Variants in KRT6B observed in about 807,000 individuals in gnomAD.
The protein encoded by KRT6B is keratin 6B.
A neutral mutation model predicts 44.7 loss-of-function variants in KRT6B; 29 were observed. The ratio of observed to expected loss-of-function variants is 0.65; its 90% CI spans 0.48 to 0.88. The LOEUF (loss-of-function observed/expected upper bound fraction) is 0.88, where lower values mean the gene tolerates loss of function less well. Ranked by LOEUF, KRT6B falls within the 40% of genes least tolerant of loss-of-function variation. The pLI is 0.00. For synonymous variants in KRT6B, 213 were observed against 296.0 expected (o/e 0.72, Z 2.88); for missense variants, 600 against 724.0 (o/e 0.83, Z 1.97).
At chr12:52,448,702 A>G in intron 6 of KRT6B, 140 bp downstream of exon 6, 1 of 1,404,602 alleles carries the variant, frequency 7.1e-7, no homozygotes, top group Non-Finnish European at 9.9e-7. Flanking sequence ...GAGTGTTCTC[A>G]CTGAGCCTAG....
At chr12:52,449,111 T>G (rs1592169807) in intron 5 of KRT6B, 144 bp from the exon 6 acceptor site, 2 of 1,453,450 alleles carry the variant, frequency 1.4e-6, no homozygotes, top group Non-Finnish European at 1.9e-6. Context: ...TGTTATGTGG[T>G]GGGTGGATAC....
At chr12:52,449,398 G>A (rs1429749916) in intron 5 of KRT6B, 71 bp downstream of exon 5, 26 of 1,608,252 alleles carry the variant, frequency 1.6e-5, no homozygotes, top group East Asian at 1.3e-4. Context: ...TGTCCCCAGT[G>A]AAGTCTGCAG....
Position 52,449,464 on chromosome 12 carries a change from C to T in KRT6B, c.1077+5G>A. On this transcript the variant is annotated splice_donor_5th_base_variant and intron_variant, in intron 5 of 8. Coordinates refer to ENST00000252252, the MANE Select transcript of KRT6B (RefSeq NM_005555.4). ...TTCCTCAGCGGCTGTCCACTCCGTG[C>T]TCACCTTTGTCTGGTACCAGGACTC... 6.2e-7 allele frequency: 1 copy of T among 1,614,218 alleles called. No homozygotes were observed. Among genetic ancestry groups the T allele is most frequent in the East Asian group, 2.2e-5 (1 of 44,880 alleles).
Position 52,447,191 on chromosome 12 carries a change from C to T in KRT6B, c.1694G>A (p.Ter565=). 2 of 1,614,032 alleles carry T rather than the reference C, an allele frequency of 1.2e-6. No homozygotes were observed. Among genetic ancestry groups the T allele is most frequent in the Non-Finnish European group, 8.5e-7 (1 of 1,180,004 alleles). ...SSSSRKSYKH[*] Reference sequence around the variant, plus strand: ...GGACTGAGAGCTGGCGGCAGCACTTCAGTGCTTGTAGCTCTTCCTGCTGGA... The same window carrying T: ...GGACTGAGAGCTGGCGGCAGCACTTTAGTGCTTGTAGCTCTTCCTGCTGGA... Residue 565 remains the stop codon, a stop_retained_variant, in exon 9 of 9, where the codon TGA becomes TAA. Coordinates refer to ENST00000252252, the MANE Select transcript of KRT6B (RefSeq NM_005555.4).
chr12:52,452,007 C>G lies in KRT6B; in HGVS notation c.72G>C (p.Arg24Ser), dbSNP rs764749883. ...AGCCAGAGCGGCTGACCCCAGGGAG[C>G]CTGGCTGAGTTGGCACTGAAACCCC... ...SRRGFSANSA[R>S]LPGVSRSGFS... Residue 24 changes from arginine (R) to serine (S), a missense_variant, in exon 1 of 9, where the codon AGG (arginine) becomes AGC (serine). Arg to Ser is a moderately radical substitution (Grantham distance 110). Coordinates refer to ENST00000252252, the MANE Select transcript of KRT6B (RefSeq NM_005555.4). 2 of 1,613,700 alleles carry G rather than the reference C, an allele frequency of 1.2e-6. No individual in the cohort carries two copies. Among genetic ancestry groups the G allele is most frequent in the African/African-American group, 2.7e-5 (2 of 74,928 alleles).
chr12:52,452,103 G>A lies in KRT6B; in HGVS notation c.-25C>T. 3 of 1,614,192 alleles carry A rather than the reference G, an allele frequency of 1.9e-6. No individual in the cohort carries two copies. The highest frequency in any genetic ancestry group is 2.5e-6 in the Non-Finnish European group (3 of 1,180,030). On this transcript the variant is annotated 5_prime_UTR_variant, in exon 1 of 9. Coordinates refer to ENST00000252252, the MANE Select transcript of KRT6B (RefSeq NM_005555.4). ...TGGTTCCAGGAGATGAGAGGGCTTAGGAGAGTGTGAGAGGCTGGAGGCGAG... is the reference window on the plus strand; with the variant it reads ...TGGTTCCAGGAGATGAGAGGGCTTAAGAGAGTGTGAGAGGCTGGAGGCGAG...
intron 5 of KRT6B, 85 bp downstream of exon 5, chr12:52,449,384 G>A (rs1940361339): frequency 6.3e-7 from 1 of 1,593,272 alleles, no homozygotes; most frequent in Non-Finnish European, 8.6e-7. Context: ...TTCCTGTCAG[G>A]GGATGTCCCC....
At position 52,447,253 on chromosome 12, in the gene KRT6B, G is replaced by T; in HGVS notation, c.1632C>A (p.Gly544=). 2 of 1,613,998 alleles carry T rather than the reference G, an allele frequency of 1.2e-6. No homozygotes were observed. The highest frequency in any genetic ancestry group is 1.7e-6 in the Non-Finnish European group (2 of 1,179,894). ...TGGTGTACTTGATGGTGGAACTGCC[G>T]CCTCCAACAGAGCTGAGGCCACCCC... The part of the protein sequence containing the change: ...ATGGGLSSVG[G]GSSTIKYTTT... The change falls in exon 9 of 9, where the codon GGC becomes GGA. Residue 544 remains glycine (G), a synonymous_variant. Coordinates refer to ENST00000252252, the MANE Select transcript of KRT6B (RefSeq NM_005555.4).
Position 52,447,123 on chromosome 12 carries a change from T to C in KRT6B, c.*67A>G. On this transcript the variant is annotated 3_prime_UTR_variant, in exon 9 of 9. Transcript: ENST00000252252. ...GGAGGCCAGGGGAGGACAAGCAACC[T>C]GAGGAGAGGGCTCTGCTGCCAGAGA... 3.1e-6 allele frequency: 5 copies of C among 1,599,336 alleles called. No individual in the cohort carries two copies. Among genetic ancestry groups the C allele is most frequent in the Non-Finnish European group, 3.4e-6 (4 of 1,171,900 alleles).
Position 52,448,931 on chromosome 12 carries a change from C to T in KRT6B, c.1114G>A (p.Asp372Asn). 3 of 1,613,694 alleles carry T rather than the reference C, an allele frequency of 1.9e-6. No homozygotes were observed. Among genetic ancestry groups the T allele is most frequent in the Non-Finnish European group, 2.5e-6 (3 of 1,179,820 alleles). Residue 372 changes from aspartate (D) to asparagine (N), a missense_variant, in exon 6 of 9, where the codon GAC (aspartate) becomes AAC (asparagine). Physicochemically the swap from Asp to Asn is conservative, Grantham distance 23. Transcript: ENST00000252252. ...TCCTGCTTGGTGTTGCGCAGGTCGT[C>T]CCCATGTCTGCCTGCTGTGATCTGC... ...ELQITAGRHG[D>N]DLRNTKQEIA...
chr12:52,448,612 T>C (rs1426706920), intron 6 of KRT6B, among the ~76,000 whole-genome samples: 1 of 152,190 alleles, frequency 6.6e-6, no homozygotes, highest in Non-Finnish European at 1.5e-5. Context: ...GACTATACTT[T>C]TACAGCTTTG....
chr12:52,450,102 G>C, intron 2 of KRT6B, 30 bp from the exon 3 acceptor site: 2 of 1,613,934 alleles, frequency 1.2e-6, no homozygotes, highest in South Asian at 1.1e-5. Context: ...GGACACATTT[G>C]AGCCAGTGGG....
At chr12:52,451,231 T>C (rs1449866294) in intron 1 of KRT6B, among the ~76,000 whole-genome samples, 1 of 150,884 alleles carries the variant, frequency 6.6e-6, no homozygotes, top group Non-Finnish European at 1.5e-5. Context: ...TGGCATTTGC[T>C]TTGTAATCTC....
At position 52,449,804 on chromosome 12, in the gene KRT6B, T is replaced by A. The variant is rs1461948262; in HGVS notation, c.866A>T (p.Asp289Val). The part of the protein sequence containing the change: ...MNKVELQAKA[D>V]TLTDEINFLR... Reference sequence around the variant, plus strand: ...GAAGTTGATCTCATCTGTAAGAGTGTCTGCCTTGGCTTGCAGTTCAACCTT... The same window carrying A: ...GAAGTTGATCTCATCTGTAAGAGTGACTGCCTTGGCTTGCAGTTCAACCTT... The change falls in exon 4 of 9, where the codon GAC (aspartate) becomes GTC (valine). Residue 289 changes from aspartate (D) to valine (V), a missense_variant. Asp to Val is a radical substitution (Grantham distance 152). Coordinates refer to ENST00000252252, the MANE Select transcript of KRT6B (RefSeq NM_005555.4). 1.9e-6 allele frequency: 3 copies of A among 1,614,008 alleles called. No homozygotes were observed. The African/African-American group carries it at 4.0e-5, about 22-fold the overall frequency.
intron 1 of KRT6B, 44 bp downstream of exon 1, chr12:52,451,495 T>G: frequency 6.2e-7 from 1 of 1,613,386 alleles, no homozygotes; most frequent in Non-Finnish European, 8.5e-7. Context: ...TCTTCTGGTC[T>G]GGGGACCCTG....
Position 52,447,868 on chromosome 12 carries a change from A to C in KRT6B, c.1334T>G (p.Leu445Arg). Residue 445 changes from leucine (L) to arginine (R), a missense_variant, in exon 7 of 9, where the codon CTG becomes CGG. Around this residue, in one of 4 missense-constraint regions of KRT6B, gnomAD observed 479 missense variants for 454.2 expected, o/e 1.05. Coordinates refer to ENST00000252252, the MANE Select transcript of KRT6B (RefSeq NM_005555.4). ...QKAKQDLARL[L>R]KEYQELMNVK... ...GTTCATCAGCTCCTGGTACTCCTTCAGCAGCCGGGCCAGGTCCTGCTTGGC... is the reference window on the plus strand; with the variant it reads ...GTTCATCAGCTCCTGGTACTCCTTCCGCAGCCGGGCCAGGTCCTGCTTGGC... 1 of 1,614,110 alleles carries C rather than the reference A, an allele frequency of 6.2e-7. No homozygotes were observed. The highest frequency in any genetic ancestry group is 1.1e-5 in the South Asian group (1 of 91,080).
chr12:52,448,558 CAA>C (rs1317059752), intron 6 of KRT6B, among the ~76,000 whole-genome samples: 1 of 152,144 alleles, frequency 6.6e-6, no homozygotes, highest in African/African-American at 2.4e-5. Context: ...TTTGCAATTC[CAA>C]AGTCAATCAG....
At chr12:52,450,161 A>C (rs1170468829) in intron 2 of KRT6B, 89 bp from the exon 3 acceptor site, 1 of 1,609,088 alleles carries the variant, frequency 6.2e-7, no homozygotes, top group Non-Finnish European at 8.5e-7. Context: ...TCCTGAATGG[A>C]ATATATTCTA....
rs374881736 is a variant in KRT6B, at chr12:52,449,807, G to T, written c.863C>A (p.Ala288Glu). The T allele has an allele frequency of 6.2e-5, 100 of 1,613,866 alleles. No individual in the cohort carries two copies. Among genetic ancestry groups the T allele is most frequent in the Admixed American group, 4.2e-4 (25 of 59,988 alleles). ...YMNKVELQAK[A>E]DTLTDEINFL... ...GTTGATCTCATCTGTAAGAGTGTCT[G>T]CCTTGGCTTGCAGTTCAACCTTGTT... is the stretch of plus-strand genomic sequence containing the variant. The change falls in exon 4 of 9, where the codon GCA (alanine) becomes GAA (glutamate). Residue 288 changes from alanine (A) to glutamate (E), a missense_variant. This residue lies in a region of KRT6B where 479 missense variants were observed against 454.2 expected (regional missense o/e 1.05). Coordinates refer to ENST00000252252, the MANE Select transcript of KRT6B (RefSeq NM_005555.4).
Sources: gnomAD v4.1 joint callset for allele counts (sites outside exome capture counted in the v4.1 genomes callset) on GRCh38, gnomAD v4.1.1 for gene constraint, gnomAD v4.1.1 regional missense constraint, MANE v1.5 for transcripts, NCBI Gene and HGNC (gene_info 2026-07-23, HGNC 2026-07-21) for gene names.